LRRCC1: variants seen among roughly 807,000 people sequenced by gnomAD.
LRRCC1 encodes leucine-rich repeat and coiled-coil domain-containing protein 1.
Under a neutral mutation model 126.0 loss-of-function variants are expected in LRRCC1, and 115 were observed. The observed-to-expected ratio is 0.91, with a 90% CI of 0.78 to 1.07. LRRCC1 has a LOEUF of 1.07. Ranked by LOEUF, LRRCC1 falls within the 50% of genes least tolerant of loss-of-function variation. The probability of loss-of-function intolerance (pLI) is 0.00; values close to 1 mark genes in which losing one functional copy is unlikely to be tolerated. For synonymous variants in LRRCC1, 400 were observed against 393.4 expected, an observed-to-expected ratio of 1.02 and a Z score of -0.20; for missense variants, 1,172 against 1,175.7, an observed-to-expected ratio of 1.00 and a Z score of 0.05.
intron 12 of LRRCC1, among the ~76,000 whole-genome samples, chr8:85,132,469 T>A (rs1810555749): frequency 6.9e-6 from 1 of 145,642 alleles, no homozygotes; most frequent in Non-Finnish European, 1.5e-5. Context: ...CTTGGCTCAC[T>A]CCAATTTCTG....
chr8:85,117,238 A>G (rs1809191853), intron 6 of LRRCC1, among the ~76,000 whole-genome samples: 1 of 152,186 alleles, frequency 6.6e-6, no homozygotes, highest in Admixed American at 6.5e-5. Context: ...TTTATTTGCA[A>G]GATAGTTGAG....
Position 85,107,675 on chromosome 8 carries a change from G to T in LRRCC1, c.104+276G>T, listed in dbSNP as rs149331224. On this transcript the variant is annotated intron_variant, in intron 1 of 18. Transcript: ENST00000360375. ...TGCCCCAGGACCTTGTCCTCCACCA[G>T]CTTCTGACCACTCTTTCCTTCTGCT... is the stretch of plus-strand genomic sequence containing the variant. 276 of 300,294 alleles carry T rather than the reference G, an allele frequency of 9.2e-4. 1 individual carries two copies. The highest frequency in any genetic ancestry group is 5.7e-3 in the African/African-American group (264 of 46,446). The allele number at this position is 300,294 out of a possible 1,614,324, so 18.6% of individuals were successfully genotyped here. A position where few individuals can be genotyped will look rare whatever the true frequency, so the allele number is the denominator to read the frequency against.
Position 85,107,331 on chromosome 8 carries a change from G to A in LRRCC1, c.36G>A (p.Ala12=). Residue 12 remains alanine (A), a synonymous_variant, in exon 1 of 19, where the codon GCG becomes GCA. Transcript: ENST00000360375. ...CGGCGGCGGTGGTGGCGGCAGAGGC[G>A]GAAGTGGAAAACGAAGACGGCGACA... is the stretch of plus-strand genomic sequence containing the variant. ...EAAAAVVAAE[A]EVENEDGDSS... 1 of 1,613,634 alleles carries A rather than the reference G, an allele frequency of 6.2e-7. No homozygotes were observed. The highest frequency in any genetic ancestry group is 1.3e-5 in the African/African-American group (1 of 75,048).
At chr8:85,138,808 G>T (rs1451590202) in intron 17 of LRRCC1, among the ~76,000 whole-genome samples, 1 of 152,164 alleles carries the variant, frequency 6.6e-6, no homozygotes, top group East Asian at 1.9e-4. Flanking sequence ...GCTTTGGGAG[G>T]CCGAGGTGGG....
intron 12 of LRRCC1, 27 bp from the exon 13 acceptor site, chr8:85,134,820 T>C: frequency 6.9e-7 from 1 of 1,440,580 alleles, no homozygotes; most frequent in Non-Finnish European, 9.4e-7. Flanking sequence ...GGAGAACTGC[T>C]ATTTATAATA....
intron 13 of LRRCC1, 75 bp from the exon 14 acceptor site, chr8:85,135,714 C>A: frequency 1.0e-6 from 1 of 956,426 alleles, no homozygotes; most frequent in Non-Finnish European, 1.4e-6. Context: ...CATTTTTTCT[C>A]ATTATAAGAT....
intron 6 of LRRCC1, among the ~76,000 whole-genome samples, chr8:85,120,298 T>G (rs1484071312): frequency 6.6e-6 from 1 of 152,190 alleles, no homozygotes; most frequent in Non-Finnish European, 1.5e-5. Context: ...GCTTGGTTTT[T>G]TGTTTGTAGA....
intron 3 of LRRCC1, among the ~76,000 whole-genome samples, chr8:85,111,206 C>T (rs1335910085): frequency 1.3e-5 from 2 of 152,032 alleles, no homozygotes; most frequent in South Asian, 2.1e-4. Context: ...GGAGAAACCC[C>T]GTCTCTACTA....
At chr8:85,108,351 C>G (rs959082826) in intron 1 of LRRCC1, among the ~76,000 whole-genome samples, 6 of 152,202 alleles carry the variant, frequency 3.9e-5, no homozygotes, top group African/African-American at 1.4e-4. Context: ...TATACATTAT[C>G]AGTAATCCTC....
chr8:85,141,490 G>C lies in LRRCC1; in HGVS notation c.2949G>C (p.Gln983His), dbSNP rs755739398. 1 of 1,611,314 alleles carries C rather than the reference G, an allele frequency of 6.2e-7. No homozygotes were observed. Among genetic ancestry groups the C allele is most frequent in the Non-Finnish European group, 8.5e-7 (1 of 1,178,322 alleles). ...TAGCACAGCTGGCCAATGAAAAGCA[G>C]AAGTGTATTGATTCTGCAAATTTAA... ...AEIAQLANEK[Q>H]KCIDSANLKV... Residue 983 changes from glutamine (Q) to histidine (H), a missense_variant, in exon 18 of 19, where the codon CAG becomes CAC. Transcript: ENST00000360375.
In LRRCC1 at chr8:85,107,252, C is replaced by G. The variant is rs763758242; in HGVS notation, c.-44C>G. On this transcript the variant is annotated 5_prime_UTR_variant, in exon 1 of 19. Transcript: ENST00000360375. ...AGGCTTGTCCCAAGCTCACGGACCC[C>G]TCGCTGGGTGCCGGTTAAGACCCCG... 1 of 1,566,756 alleles carries G rather than the reference C, an allele frequency of 6.4e-7. No individual in the cohort carries two copies. The highest frequency in any genetic ancestry group is 1.2e-5 in the South Asian group (1 of 85,258).
At position 85,123,424 on chromosome 8, in the gene LRRCC1, A is replaced by G. The variant is rs1200022708; in HGVS notation, c.942A>G (p.Ser314=). The G allele has an allele frequency of 6.3e-7, 1 of 1,587,922 alleles. No individual in the cohort carries two copies. The highest frequency in any genetic ancestry group is 1.9e-5 in the Admixed American group (1 of 51,588). ...ILQLLNETSN[S]IDNVLEKDPR... ...TTTTTAAATTTTAGACTTCTAATTC[A>G]ATAGATAACGTTCTTGAGAAAGACC... is the stretch of plus-strand genomic sequence containing the variant. Residue 314 remains serine, a synonymous_variant, in exon 7 of 19, where the codon TCA becomes TCG. Coordinates refer to ENST00000360375, the MANE Select transcript of LRRCC1 (RefSeq NM_033402.5).
In LRRCC1 at chr8:85,129,326, G is replaced by A. The variant is rs770285900; in HGVS notation, c.1573G>A (p.Glu525Lys). Residue 525 changes from glutamate (E) to lysine (K), a missense_variant, in exon 10 of 19, where the codon GAA becomes AAA. Physicochemically the swap from Glu to Lys is moderately conservative, Grantham distance 56 (BLOSUM62 1). Transcript: ENST00000360375. ...EDHLKHLRTL[E>K]KTLEKMERQK... ...TCACCTTAAACACTTAAGAACCCTC[G>A]AAAAAACATTAGAAAAAATGGAGAG... is the stretch of plus-strand genomic sequence containing the variant. 35 of 1,611,880 alleles carry A rather than the reference G, an allele frequency of 2.2e-5. No homozygotes were observed. The highest frequency in any genetic ancestry group is 8.9e-5 in the South Asian group (8 of 90,288).
Position 85,109,724 on chromosome 8 carries a change from T to C in LRRCC1, c.234T>C (p.Ser78=), listed in dbSNP as rs1288429482. Reference sequence around the variant, plus strand: ...TAGATCTGTCATCTAATCAAATAAGTAGAATTGAAGGACTAAACACACTGA... The same window carrying C: ...TAGATCTGTCATCTAATCAAATAAGCAGAATTGAAGGACTAAACACACTGA... The part of the protein sequence containing the change: ...QHLDLSSNQI[S]RIEGLNTLTK... The change falls in exon 2 of 19, where the codon AGT becomes AGC. Residue 78 remains serine (S), a synonymous_variant. Transcript: ENST00000360375. 3 of 1,603,406 alleles carry C rather than the reference T, an allele frequency of 1.9e-6. No homozygotes were observed. The highest frequency in any genetic ancestry group is 1.7e-4 in the Middle Eastern group (1 of 6,058).
In LRRCC1 at chr8:85,132,375, C is replaced by CTT. The variant is rs551423793; in HGVS notation, c.1968+441_1968+442dup. Among the ~76,000 whole-genome samples, 765 of 109,800 alleles carry CTT rather than the reference C, an allele frequency of 7.0e-3. 39 individuals carry two copies. Among genetic ancestry groups the CTT allele is most frequent in the East Asian group, 0.021 (75 of 3,586 alleles). The allele number at this position is 109,800 out of a possible 152,430, so 72.0% of individuals were successfully genotyped here. On this transcript the variant is annotated intron_variant, in intron 12 of 18. Coordinates refer to ENST00000360375, the MANE Select transcript of LRRCC1 (RefSeq NM_033402.5). ...TTACAAAAGCACAGTTGAGTACTTTCTTTTTTTTTTTTTTTTTTTTTTTTT... is the reference window on the plus strand; with the variant it reads ...TTACAAAAGCACAGTTGAGTACTTTCTTTTTTTTTTTTTTTTTTTTTTTTTTT...
chr8:85,132,029 G>A, intron 12 of LRRCC1, 68 bp downstream of exon 12: 1 of 1,314,086 alleles, frequency 7.6e-7, no homozygotes. Flanking sequence ...GAGAGGACTT[G>A]TTTTAGAAAC....
At chr8:85,113,448 A>G (rs1382264621) in intron 4 of LRRCC1, among the ~76,000 whole-genome samples, 1 of 152,098 alleles carries the variant, frequency 6.6e-6, no homozygotes, top group African/African-American at 2.4e-5. Context: ...TGTCCAAGAT[A>G]CATTAAGAGG....
At chr8:85,122,751 G>T (rs559602825) in intron 6 of LRRCC1, among the ~76,000 whole-genome samples, 1 of 152,250 alleles carries the variant, frequency 6.6e-6, no homozygotes, top group South Asian at 2.1e-4. Context: ...CATTTTCCTT[G>T]TTCTTCCTAC....
chr8:85,130,522 G>A (rs976905966), intron 11 of LRRCC1, among the ~76,000 whole-genome samples: 5 of 152,230 alleles, frequency 3.3e-5, no homozygotes, highest in Middle Eastern at 3.4e-3. Flanking sequence ...CCGTGTTCAT[G>A]TATGTATACA....
Sources: allele counts gnomAD v4.1 joint callset (sites outside exome capture counted in the v4.1 genomes callset), GRCh38; gene constraint gnomAD v4.1.1; transcripts MANE v1.5; gene names NCBI Gene and HGNC (gene_info 2026-07-23, HGNC 2026-07-21).